Variants in POFUT4 observed in about 807,000 individuals in gnomAD.
POFUT4 encodes protein O-fucosyltransferase 4, also known as GDP-fucose protein O-fucosyltransferase 4.
chr10:73,777,905 G>C, the POFUT4 span, among the ~76,000 whole-genome samples: 3 of 146,854 alleles, frequency 2.0e-5, no homozygotes, highest in African/African-American at 7.6e-5. Context: ...CATCACCAAG[G>C]CTAGAGTGCA....
chr10:73,772,667 C>G, the POFUT4 span: 2 of 1,557,832 alleles, frequency 1.3e-6, no homozygotes, highest in Non-Finnish European at 8.7e-7. Context: ...CCGCCGAGCG[C>G]TGAGGGACTC....
the POFUT4 span, chr10:73,773,689 A>G: frequency 6.2e-7 from 1 of 1,614,228 alleles, no homozygotes; most frequent in Non-Finnish European, 8.5e-7. Flanking sequence ...GATGCCGAGA[A>G]AGCCCACGCG....
the POFUT4 span, chr10:73,775,389 G>C: frequency 6.3e-7 from 1 of 1,597,350 alleles, no homozygotes; most frequent in Non-Finnish European, 8.5e-7. Flanking sequence ...GCTTATATTG[G>C]ATTTACTTCA....
the POFUT4 span, among the ~76,000 whole-genome samples, chr10:73,777,774 C>G: frequency 6.6e-6 from 1 of 151,972 alleles, no homozygotes; most frequent in Non-Finnish European, 1.5e-5. Context: ...AGTCTGGTGT[C>G]GAACTCCTGA....
At chr10:73,775,343 T>A in the POFUT4 span, 2 of 1,277,416 alleles carry the variant, frequency 1.6e-6, no homozygotes, top group Non-Finnish European at 2.2e-6. Flanking sequence ...GTCTGTGTGA[T>A]GTCTTTGTGT....
At chr10:73,772,973 C>T in the POFUT4 span, 1 of 1,603,186 alleles carries the variant, frequency 6.2e-7, no homozygotes, top group South Asian at 1.1e-5. Flanking sequence ...GCTGCTCTAT[C>T]TGCAGTCACA....
the POFUT4 span, chr10:73,772,952 G>A: frequency 1.2e-6 from 2 of 1,606,470 alleles, no homozygotes; most frequent in East Asian, 2.2e-5. Context: ...GCGCCGCCGC[G>A]GCTACGCGCC....
At chr10:73,775,852 G>A in the POFUT4 span, 21 of 684,468 alleles carry the variant, frequency 3.1e-5, no homozygotes, top group Non-Finnish European at 4.9e-5. Flanking sequence ...GAGTAGCCAA[G>A]GTCTAACATA....
At chr10:73,777,572 GAGA>G in the POFUT4 span, among the ~76,000 whole-genome samples, 5 of 121,752 alleles carry the variant, frequency 4.1e-5, no homozygotes, top group African/African-American at 1.6e-4. Context: ...TTTTTTTTTT[GAGA>G]TGGAGTTTCG....
the POFUT4 span, among the ~76,000 whole-genome samples, chr10:73,778,497 T>C: frequency 2.0e-5 from 3 of 151,248 alleles, no homozygotes; most frequent in East Asian, 5.9e-4. Flanking sequence ...GACCATTAGC[T>C]CTTTCTGGGG....
chr10:73,778,613 T>C, the POFUT4 span, among the ~76,000 whole-genome samples: 1 of 152,124 alleles, frequency 6.6e-6, no homozygotes, highest in Non-Finnish European at 1.5e-5. Flanking sequence ...TCTATACCTA[T>C]ATCTATATAT....
the POFUT4 span, among the ~76,000 whole-genome samples, chr10:73,777,519 G>C: frequency 2.0e-5 from 3 of 151,310 alleles, no homozygotes; most frequent in Admixed American, 2.0e-4. Flanking sequence ...GAATAGTCCA[G>C]CTTCATTCAC....
At chr10:73,777,419 A>G in the POFUT4 span, among the ~76,000 whole-genome samples, 1 of 152,158 alleles carries the variant, frequency 6.6e-6, no homozygotes, top group African/African-American at 2.4e-5. Context: ...TATGCTACAA[A>G]GTCCCATCTT....
At chr10:73,774,787 G>A in the POFUT4 span, 1 of 154,904 alleles carries the variant, frequency 6.5e-6, no homozygotes, top group African/African-American at 2.4e-5. Context: ...TGGTGGTACT[G>A]GGAAACAAGG....
At chr10:73,773,427 C>T in the POFUT4 span, 2 of 1,614,220 alleles carry the variant, frequency 1.2e-6, no homozygotes, top group Non-Finnish European at 8.5e-7. Flanking sequence ...GGACTGGATG[C>T]CGAACAATCA....
the POFUT4 span, among the ~76,000 whole-genome samples, chr10:73,777,965 T>C: frequency 2.0e-5 from 3 of 151,132 alleles, no homozygotes. Context: ...GTTCAAGCAA[T>C]TCTCGTGTCT....
the POFUT4 span, chr10:73,773,166 A>T: frequency 6.3e-7 from 1 of 1,582,222 alleles, no homozygotes. Context: ...CACCCTCATG[A>T]CAGCCTTACT....
the POFUT4 span, among the ~76,000 whole-genome samples, chr10:73,776,468 G>A: frequency 6.6e-6 from 1 of 151,712 alleles, no homozygotes; most frequent in Non-Finnish European, 1.5e-5. Context: ...GAGGAGAGGC[G>A]ACTGCTTGAA....
At chr10:73,773,010 G>A in the POFUT4 span, 2 of 1,583,976 alleles carry the variant, frequency 1.3e-6, no homozygotes, top group Middle Eastern at 1.9e-4. Flanking sequence ...GACCGGGACC[G>A]CTACGTGCGC....
Sources: allele counts gnomAD v4.1 joint callset (sites outside exome capture counted in the v4.1 genomes callset), GRCh38; gene constraint gnomAD v4.1.1; transcripts MANE v1.5; gene names NCBI Gene and HGNC (gene_info 2026-07-23, HGNC 2026-07-21).